HK1: variants seen among roughly 807,000 people sequenced by gnomAD.
HK1 encodes the protein hexokinase 1, also known as hexokinase-1.
A neutral mutation model predicts 91.6 loss-of-function variants in HK1; 28 were observed. That is an observed-to-expected ratio of 0.31 (90% CI 0.23 to 0.42). The LOEUF (loss-of-function observed/expected upper bound fraction) is 0.42, where lower values mean the gene tolerates loss of function less well. Ranked by LOEUF, HK1 falls within the 10% of genes least tolerant of loss-of-function variation. HK1 has a pLI of 1.00. For missense variants in HK1, 770 were observed against 1,219.8 expected, an observed-to-expected ratio of 0.63 and a Z score of 5.49; for synonymous variants, 430 against 468.1, an observed-to-expected ratio of 0.92 and a Z score of 1.05.
intron 1 of HK1, among the ~76,000 whole-genome samples, chr10:69,325,936 G>A (rs1847341916): frequency 6.6e-6 from 1 of 151,590 alleles, no homozygotes; most frequent in South Asian, 2.1e-4. Context: ...CCAGGTTCAA[G>A]CGATTCTTCT....
At chr10:69,355,073 A>AAT (rs1849063957) in intron 2 of HK1, among the ~76,000 whole-genome samples, 1 of 122,500 alleles carries the variant, frequency 8.2e-6, no homozygotes, top group Non-Finnish European at 1.7e-5. Context: ...CCTCTCAAAA[A>AAT]AAAAAAAAAA....
At chr10:69,278,524 G>A (rs1844574101) in intron 1 of HK1, 1 of 152,228 alleles carries the variant, frequency 6.6e-6, no homozygotes, top group African/African-American at 2.4e-5. Context: ...TGCTTTCCAG[G>A]TCAGGGAATG....
At chr10:69,385,955 G>A (rs1012598730) in intron 12 of HK1, among the ~76,000 whole-genome samples, 1 of 152,210 alleles carries the variant, frequency 6.6e-6, no homozygotes, top group Non-Finnish European at 1.5e-5. Flanking sequence ...GGATCCTTCA[G>A]TTATAGTGTC....
rs1466593859 is a variant in HK1 at position 69,382,560 on chromosome 10, A to C, written c.1339A>C (p.Ser447Arg). Reference protein sequence around the residue: ...DSDVRFLLSESGSGKGAAMVT... With the variant: ...DSDVRFLLSERGSGKGAAMVT... ...CGATGTGCGCTTCCTCCTCTCGGAG[A>C]GTGGCAGCGGCAAGGGGGCTGCCAT... Residue 447 changes from serine to arginine, a missense_variant, in exon 10 of 18, where the codon AGT becomes CGT. This residue lies in a region of HK1 where 449 missense variants were observed against 665.1 expected (regional missense o/e 0.68). Coordinates refer to ENST00000359426, the MANE Select transcript of HK1 (RefSeq NM_000188.3). The C allele has an allele frequency of 6.2e-7, 1 of 1,613,932 alleles. No homozygotes were observed. The highest frequency in any genetic ancestry group is 1.3e-5 in the African/African-American group (1 of 74,876).
At chr10:69,393,019 T>C (rs1362905080) in intron 15 of HK1, among the ~76,000 whole-genome samples, 4 of 152,262 alleles carry the variant, frequency 2.6e-5, no homozygotes, top group African/African-American at 9.6e-5. Flanking sequence ...TTTGCTCTTG[T>C]TGCCCAGGCT....
At chr10:69,324,130 C>A (rs34348007) in intron 1 of HK1, among the ~76,000 whole-genome samples, 55,822 of 152,056 alleles carry the variant, frequency 0.37, 11,037 homozygotes, top group East Asian at 0.69. Flanking sequence ...CCTTGGCCTC[C>A]CTAAGTATGC....
intron 1 of HK1, among the ~76,000 whole-genome samples, chr10:69,336,567 A>G (rs1013314277): frequency 2.8e-5 from 4 of 144,188 alleles, no homozygotes; most frequent in Non-Finnish European, 6.1e-5. Flanking sequence ...TTCATTTGCC[A>G]TTTTTTTCAG....
At chr10:69,289,913 C>T (rs909907982) in intron 3 of HK1, among the ~76,000 whole-genome samples, 3 of 151,920 alleles carry the variant, frequency 2.0e-5, no homozygotes, top group African/African-American at 7.3e-5. Flanking sequence ...AGCCACTGTG[C>T]CCAGCCCAGA....
At chr10:69,311,773 AC>A (rs756449631), upstream of HK1, among the ~76,000 whole-genome samples, 4 of 152,040 alleles carry the variant, frequency 2.6e-5, no homozygotes, top group Admixed American at 1.3e-4. Flanking sequence ...AGTAGCTGGG[AC>A]TATAGGTGCA....
chr10:69,371,570 C>T (rs1850007618), intron 7 of HK1, among the ~76,000 whole-genome samples: 1 of 152,210 alleles, frequency 6.6e-6, no homozygotes, highest in African/African-American at 2.4e-5. Flanking sequence ...TAGTTACTAT[C>T]AGTCACTTAA....
At chr10:69,288,559 G>A (rs1845135995) in intron 2 of HK1, 4 of 701,796 alleles carry the variant, frequency 5.7e-6, no homozygotes, top group East Asian at 2.6e-5. Flanking sequence ...AAATGTGTCT[G>A]CACTATGTCT....
intron 2 of HK1, among the ~76,000 whole-genome samples, chr10:69,351,199 A>G (rs1347541671): frequency 1.3e-5 from 2 of 148,324 alleles, no homozygotes; most frequent in Non-Finnish European, 3.0e-5. Context: ...AAATAAATAA[A>G]TAAATAAATA....
At chr10:69,365,920 C>T (rs187680845) in intron 4 of HK1, among the ~76,000 whole-genome samples, 9 of 152,268 alleles carry the variant, frequency 5.9e-5, no homozygotes, top group African/African-American at 2.2e-4. Context: ...CAACCTCCAC[C>T]TCCCAGGTTC....
At chr10:69,308,521 AC>A (rs902695870) in intron 5 of HK1, among the ~76,000 whole-genome samples, 1 of 152,094 alleles carries the variant, frequency 6.6e-6, no homozygotes, top group African/African-American at 2.4e-5. Context: ...ACAAAACAGA[AC>A]AGGACAGGGA....
intron 7 of HK1, among the ~76,000 whole-genome samples, chr10:69,374,515 A>C (rs1432178665): frequency 6.6e-6 from 1 of 152,242 alleles, no homozygotes; most frequent in African/African-American, 2.4e-5. Context: ...TGAGAGGCAG[A>C]TCATGACTTG....
At chr10:69,318,814 C>T, upstream of HK1, 1 of 1,404,432 alleles carries the variant, frequency 7.1e-7, no homozygotes, top group Non-Finnish European at 9.2e-7. Flanking sequence ...CGCCGCGCCC[C>T]GGGCCGAGGG....
intron 1 of HK1, among the ~76,000 whole-genome samples, chr10:69,279,960 C>T (rs1021429052): frequency 2.6e-5 from 4 of 152,084 alleles, no homozygotes; most frequent in Non-Finnish European, 5.9e-5. Flanking sequence ...GGTTGATCAG[C>T]GATTGTGTCT....
chr10:69,276,118 A>ATATATATATATATATATATAT (rs1426672139), intron 1 of HK1, among the ~76,000 whole-genome samples: 6 of 38,264 alleles, frequency 1.6e-4, no homozygotes, highest in Non-Finnish European at 5.1e-5. Flanking sequence ...AAAAAAAAAA[A>ATATATATATATATATATATAT]ATACATATAT....
At chr10:69,390,205 T>A (rs1173712023) in intron 14 of HK1, among the ~76,000 whole-genome samples, 1 of 152,214 alleles carries the variant, frequency 6.6e-6, no homozygotes, top group Non-Finnish European at 1.5e-5. Context: ...GGTGAAAAGG[T>A]TGTTTGGGGC....
Sources: allele counts gnomAD v4.1 joint callset (sites outside exome capture counted in the v4.1 genomes callset), GRCh38; gene constraint gnomAD v4.1.1; regional missense constraint gnomAD v4.1.1; transcripts MANE v1.5; gene names NCBI Gene and HGNC (gene_info 2026-07-23, HGNC 2026-07-21).